Variants in DEPDC1B observed in about 807,000 individuals in gnomAD.
The protein encoded by DEPDC1B is DEP domain containing 1B, also known as DEP domain-containing protein 1B.
DEPDC1B carries 51 observed loss-of-function variants against 66.5 expected under a neutral mutation model. That is an observed-to-expected ratio of 0.77 (90% confidence interval 0.61 to 0.97). The LOEUF is 0.97. Among genes scored for constraint, DEPDC1B ranks in the 50% least tolerant of loss-of-function variants. The probability of loss-of-function intolerance (pLI) is 0.00; values close to 1 mark genes in which losing one functional copy is unlikely to be tolerated. For missense variants in DEPDC1B, 552 were observed against 637.1 expected (o/e 0.87, Z 1.44); for synonymous variants, 226 against 223.6 (o/e 1.01, Z -0.10).
chr5:60,699,862 G>A (rs952846629), intron 1 of DEPDC1B, among the ~76,000 whole-genome samples, 184 bp downstream of exon 1: 2 of 152,214 alleles, frequency 1.3e-5, no homozygotes, highest in African/African-American at 4.8e-5. Context: ...CTGAGCTCTG[G>A]GCCCCGTTAG....
At chr5:60,672,246 C>T (rs897956240) in intron 2 of DEPDC1B, among the ~76,000 whole-genome samples, 2 of 152,186 alleles carry the variant, frequency 1.3e-5, no homozygotes, top group Non-Finnish European at 2.9e-5. Context: ...TCAATTTGAG[C>T]GCAAGTTACA....
At chr5:60,667,445 G>A (rs916909045) in intron 2 of DEPDC1B, among the ~76,000 whole-genome samples, 1 of 143,650 alleles carries the variant, frequency 7.0e-6, no homozygotes, top group Non-Finnish European at 1.5e-5. Context: ...ACAAAAAATG[G>A]ATATTTTACA....
intron 2 of DEPDC1B, among the ~76,000 whole-genome samples, chr5:60,671,674 A>G (rs1754037781): frequency 6.6e-6 from 1 of 151,694 alleles, no homozygotes; most frequent in African/African-American, 2.4e-5. Flanking sequence ...TTCCCCATTT[A>G]TCCTTTCCTG....
At chr5:60,599,820 G>A (rs1368191485) in intron 9 of DEPDC1B, among the ~76,000 whole-genome samples, 1 of 152,118 alleles carries the variant, frequency 6.6e-6, no homozygotes, top group African/African-American at 2.4e-5. Flanking sequence ...TAAATCTTAT[G>A]ACTGGCTTGC....
intron 1 of DEPDC1B, among the ~76,000 whole-genome samples, chr5:60,695,401 C>T (rs1480076095): frequency 6.6e-6 from 1 of 152,102 alleles, no homozygotes; most frequent in African/African-American, 2.4e-5. Flanking sequence ...CAGGGTGCCA[C>T]ACTTTTAAAC....
intron 7 of DEPDC1B, among the ~76,000 whole-genome samples, chr5:60,624,363 T>C (rs1752768075): frequency 6.6e-6 from 1 of 152,182 alleles, no homozygotes. Context: ...TGATGTATTA[T>C]TGTCCTTTTT....
chr5:60,603,469 A>G lies in DEPDC1B; in HGVS notation c.1164T>C (p.Asn388=), dbSNP rs1299137000. 30 of 1,613,004 alleles carry G rather than the reference A, an allele frequency of 1.9e-5. No individual in the cohort carries two copies. The highest frequency in any genetic ancestry group is 2.5e-5 in the Non-Finnish European group (29 of 1,179,646). ...AAGGGACTTTCAGAATTTCCTGGTA[A>G]TTGTCCATCAGAAACGTTACCAATC... is the stretch of plus-strand genomic sequence containing the variant. ...AARLVTFLMD[N]YQEILKVPLA... The change falls in exon 9 of 11, where the codon AAT becomes AAC. Residue 388 remains asparagine (N), a synonymous_variant. Transcript: ENST00000265036.
At chr5:60,680,622 T>C (rs137986097) in intron 2 of DEPDC1B, among the ~76,000 whole-genome samples, 116 of 152,294 alleles carry the variant, frequency 7.6e-4, no homozygotes, top group African/African-American at 2.5e-3. Flanking sequence ...CTCTAACAAA[T>C]AGATAAAGGA....
intron 6 of DEPDC1B, among the ~76,000 whole-genome samples, chr5:60,641,331 T>C (rs1243875611): frequency 6.6e-6 from 1 of 151,172 alleles, no homozygotes; most frequent in Non-Finnish European, 1.5e-5. Flanking sequence ...CCTATGTTCA[T>C]TCCTAGCTGA....
intron 2 of DEPDC1B, among the ~76,000 whole-genome samples, chr5:60,677,326 ACTCTCTCTCTCTCTCT>A (rs70975391): frequency 2.8e-5 from 3 of 108,526 alleles, no homozygotes; most frequent in African/African-American, 1.2e-4. Flanking sequence ...ACACACACAC[ACTCTCTCTCTCTCTCT>A]CTCTCTCTCT....
At chr5:60,639,381 G>A (rs919211900) in intron 6 of DEPDC1B, among the ~76,000 whole-genome samples, 8 of 152,104 alleles carry the variant, frequency 5.3e-5, no homozygotes, top group African/African-American at 1.9e-4. Flanking sequence ...CAGTCATAGA[G>A]TTGAGCAAAA....
intron 7 of DEPDC1B, among the ~76,000 whole-genome samples, chr5:60,633,881 A>G (rs1426677177): frequency 6.6e-6 from 1 of 152,200 alleles, no homozygotes; most frequent in African/African-American, 2.4e-5. Flanking sequence ...TTTTATTTGA[A>G]ACTATGCCTC....
At chr5:60,634,452 C>T (rs868397573) in intron 7 of DEPDC1B, among the ~76,000 whole-genome samples, 2 of 152,150 alleles carry the variant, frequency 1.3e-5, no homozygotes, top group African/African-American at 4.8e-5. Flanking sequence ...GCGGGCGGAT[C>T]ACGAGATTAG....
At chr5:60,696,711 C>T (rs1172882173) in intron 1 of DEPDC1B, among the ~76,000 whole-genome samples, 3 of 151,924 alleles carry the variant, frequency 2.0e-5, no homozygotes, top group Admixed American at 1.3e-4. Flanking sequence ...TTGTTTTGCT[C>T]TACTTATTAA....
intron 7 of DEPDC1B, among the ~76,000 whole-genome samples, chr5:60,610,871 G>A (rs964154277): frequency 2.0e-5 from 3 of 152,186 alleles, no homozygotes; most frequent in Non-Finnish European, 4.4e-5. Context: ...GTTTGTAGAT[G>A]TTTTTGTTAG....
chr5:60,647,409 G>A lies in DEPDC1B; in HGVS notation c.439C>T (p.Pro147Ser), dbSNP rs1753344209. ...GTCATGGCACTTACCATCACAACTG[G>A]CCTCACTGGGATGTTCTCTTGTGAA... ...GTSQENIPVR[P>S]VVMNSEMWYK... is the part of the protein sequence containing the mutation. The change falls in exon 3 of 11, where the codon CCA (proline) becomes TCA (serine). Residue 147 changes from proline (P) to serine (S), a missense_variant. Transcript: ENST00000265036. 17 of 1,605,528 alleles carry A rather than the reference G, an allele frequency of 1.1e-5. No homozygotes were observed. Among genetic ancestry groups the A allele is most frequent in the Non-Finnish European group, 1.4e-5 (17 of 1,177,168 alleles).
intron 2 of DEPDC1B, among the ~76,000 whole-genome samples, chr5:60,654,533 T>A (rs907070316): frequency 2.0e-5 from 3 of 148,528 alleles, no homozygotes; most frequent in Admixed American, 2.0e-4. Flanking sequence ...TTTGGATGAG[T>A]CTTTAAGGTT....
At position 60,608,629 on chromosome 5, in the gene DEPDC1B, A is replaced by C. The variant is rs571657689; in HGVS notation, c.899-2773T>G. On this transcript the variant is annotated intron_variant, in intron 7 of 10. Transcript: ENST00000265036. The stretch of plus-strand genomic sequence containing the variant: ...TAAAAAAGAAATATATTTTAAAATT[A>C]AGAGTACCTCAGGGCTGTAAAATAT... 3.1e-5 allele frequency among the ~76,000 whole-genome samples: 4 copies of C among 129,786 alleles called. No individual in the cohort carries two copies. The Admixed American group carries it at 3.2e-4, about 10-fold the overall frequency. 85.1% of individuals were successfully genotyped at this position (129,786 alleles called of 152,430 possible). A position where few individuals can be genotyped will look rare whatever the true frequency, so the allele number is the denominator to read the frequency against.
Position 60,597,751 on chromosome 5 carries a change from T to TA in DEPDC1B, c.*1dup. 6.2e-7 allele frequency: 1 copy of TA among 1,612,458 alleles called. No homozygotes were observed. Among genetic ancestry groups the TA allele is most frequent in the South Asian group, 1.1e-5 (1 of 90,792 alleles). Reference sequence around the variant, plus strand: ...CTAGCACCTGTTGCTGTGGAAGTATTATTACATTCGAAAACTTCTAGTTCT... The same window carrying TA: ...CTAGCACCTGTTGCTGTGGAAGTATTAATTACATTCGAAAACTTCTAGTTCT... On this transcript the variant is annotated 3_prime_UTR_variant, in exon 11 of 11. Transcript: ENST00000265036.
Sources: allele counts gnomAD v4.1 joint callset (sites outside exome capture counted in the v4.1 genomes callset), GRCh38; gene constraint gnomAD v4.1.1; transcripts MANE v1.5; gene names NCBI Gene and HGNC (gene_info 2026-07-23, HGNC 2026-07-21).